Variants in SPEF2 observed in about 807,000 individuals in gnomAD.
The protein encoded by SPEF2 is sperm flagellar and cilia associated 2.
SPEF2 carries 187 observed loss-of-function variants against 224.6 expected under a neutral mutation model. The observed-to-expected ratio is 0.83, with a 90% CI of 0.74 to 0.94. SPEF2 has a LOEUF of 0.94. Among genes scored for constraint, SPEF2 ranks in the 40% least tolerant of loss-of-function variants. SPEF2 has a pLI of 0.00. For missense variants in SPEF2, 2,170 were observed against 2,135.6 expected (o/e 1.02, Z -0.32); for synonymous variants, 715 against 707.3 (o/e 1.01, Z -0.17).
In SPEF2 at chr5:35,771,837, A is replaced by G. The variant is rs1752897953; in HGVS notation, c.3949+81A>G. ...AAACGAGCATTTAACTGGACACATT[A>G]TTAGCCTCTAAGCCACTAAAATACT... On this transcript the variant is annotated intron_variant, in intron 27 of 36. Coordinates refer to ENST00000356031, the MANE Select transcript of SPEF2 (RefSeq NM_024867.4). The G allele has an allele frequency of 4.7e-6, 7 of 1,487,740 alleles. No homozygotes were observed. The South Asian group carries it at 8.5e-5, about 18-fold the overall frequency. 92.2% of individuals were successfully genotyped at this position (1,487,740 alleles called of 1,614,324 possible).
At chr5:35,753,833 C>T in intron 24 of SPEF2, 72 bp downstream of exon 24, 1 of 1,577,900 alleles carries the variant, frequency 6.3e-7, no homozygotes, top group East Asian at 2.2e-5. Flanking sequence ...TCATATGACA[C>T]TTTCTTGGGA....
chr5:35,757,682 A>G lies in SPEF2; in HGVS notation c.3469-1886A>G, dbSNP rs531154018. Reference sequence around the variant, plus strand: ...GTGCAAACACTTATTGTCAAACTGTAGGATTTGTTCATACATGAATATTTT... The same window carrying G: ...GTGCAAACACTTATTGTCAAACTGTGGGATTTGTTCATACATGAATATTTT... On this transcript the variant is annotated intron_variant, in intron 24 of 36. Transcript: ENST00000356031. 3.3e-5 allele frequency among the ~76,000 whole-genome samples: 5 copies of G among 152,298 alleles called. No individual in the cohort carries two copies. In the East Asian group the frequency reaches 7.7e-4, roughly 23 times the overall value.
At chr5:35,799,888 G>A (rs1007081881) in intron 33 of SPEF2, 80 bp from the exon 34 acceptor site, 29 of 1,496,724 alleles carry the variant, frequency 1.9e-5, no homozygotes, top group Non-Finnish European at 2.1e-5. Context: ...CAAAGCTCCT[G>A]GGGAGATTCT....
At chr5:35,714,749 A>G (rs6887970) in intron 20 of SPEF2, among the ~76,000 whole-genome samples, 112,958 of 150,292 alleles carry the variant, frequency 0.75, 42,816 homozygotes, top group Middle Eastern at 0.83. Flanking sequence ...CTACTGCCCA[A>G]GTATCTTACA....
chr5:35,630,854 C>T (rs575895049), intron 2 of SPEF2, among the ~76,000 whole-genome samples: 99 of 152,240 alleles, frequency 6.5e-4, no homozygotes, highest in Non-Finnish European at 1.1e-3. Context: ...AAACAAGTTC[C>T]TCATCTCTGT....
chr5:35,788,639 A>C, intron 30 of SPEF2: 1 of 703,002 alleles, frequency 1.4e-6, no homozygotes, highest in Non-Finnish European at 2.6e-6. Flanking sequence ...TAGACTGTCG[A>C]GCCAAGACTG....
At chr5:35,740,407 T>G in intron 23 of SPEF2, 140 bp downstream of exon 23, 1 of 1,132,016 alleles carries the variant, frequency 8.8e-7, no homozygotes, top group Non-Finnish European at 1.2e-6. Flanking sequence ...CCAGGTAACT[T>G]TCAAGAGCAG....
intron 23 of SPEF2, among the ~76,000 whole-genome samples, chr5:35,744,720 C>T (rs1237860067): frequency 6.6e-6 from 1 of 152,148 alleles, no homozygotes; most frequent in Non-Finnish European, 1.5e-5. Context: ...CCACAGCACA[C>T]TCCAGCCTGG....
chr5:35,705,653 T>C lies in SPEF2; in HGVS notation c.2510T>C (p.Ile837Thr), dbSNP rs1377766107. 6.3e-7 allele frequency: 1 copy of C among 1,577,906 alleles called. No homozygotes were observed. Among genetic ancestry groups the C allele is most frequent in the South Asian group, 1.2e-5 (1 of 82,338 alleles). The change falls in exon 18 of 37, where the codon ATT (isoleucine) becomes ACT (threonine). Residue 837 changes from isoleucine (I) to threonine (T), a missense_variant and splice_region_variant. Coordinates refer to ENST00000356031, the MANE Select transcript of SPEF2 (RefSeq NM_024867.4). ...QNLRDQIQHR[I>T]IGFLDNWPLL... ...CATATCATATTTTGATTTTGCAGAATTATAGGCTTCTTGGACAACTGGCCT... is the reference window on the plus strand; with the variant it reads ...CATATCATATTTTGATTTTGCAGAACTATAGGCTTCTTGGACAACTGGCCT...
At chr5:35,807,718 G>A (rs1483883805) in intron 36 of SPEF2, 4 of 1,536,112 alleles carry the variant, frequency 2.6e-6, no homozygotes, top group Admixed American at 2.0e-5. Context: ...CAGTGTGCAA[G>A]ATGGAGAAAC....
chr5:35,797,314 ACGGGTG>A (rs1339834776), intron 33 of SPEF2, among the ~76,000 whole-genome samples: 2 of 68,342 alleles, frequency 2.9e-5, no homozygotes, highest in Non-Finnish European at 6.0e-5. Flanking sequence ...AAGATGGCTG[ACGGGTG>A]TGTGTGTGTG....
chr5:35,789,158 G>A, intron 30 of SPEF2: 2 of 702,938 alleles, frequency 2.8e-6, no homozygotes, highest in Non-Finnish European at 5.2e-6. Context: ...TGTGTTACAG[G>A]CAGGCAGAGG....
chr5:35,679,073 C>T (rs1315713454), intron 10 of SPEF2, among the ~76,000 whole-genome samples: 1 of 152,176 alleles, frequency 6.6e-6, no homozygotes, highest in Non-Finnish European at 1.5e-5. Context: ...AAAGTGTTAC[C>T]TTACTACTTT....
chr5:35,807,809 G>C, intron 36 of SPEF2: 1 of 1,534,620 alleles, frequency 6.5e-7, no homozygotes, highest in South Asian at 1.2e-5. Context: ...TAACCACCAA[G>C]CAGGTCTGGA....
intron 10 of SPEF2, among the ~76,000 whole-genome samples, chr5:35,682,366 A>G (rs1200238389): frequency 1.3e-5 from 2 of 148,428 alleles, no homozygotes; most frequent in Non-Finnish European, 2.9e-5. Flanking sequence ...ATTGCATTTC[A>G]GGAAACCCAA....
chr5:35,648,072 ATTATCT>A (rs1334422259), intron 5 of SPEF2, among the ~76,000 whole-genome samples: 4 of 152,154 alleles, frequency 2.6e-5, no homozygotes, highest in African/African-American at 7.2e-5. Context: ...GGCACTTCAC[ATTATCT>A]TTAATTTGTA....
chr5:35,659,156 A>G lies in SPEF2; in HGVS notation c.1116A>G (p.Gln372=). 6.2e-7 allele frequency: 1 copy of G among 1,613,240 alleles called. No individual in the cohort carries two copies. Among genetic ancestry groups the G allele is most frequent in the Non-Finnish European group, 8.5e-7 (1 of 1,179,472 alleles). ...LWQNRIFREK[Q]HEERRLKDFQ... ...AAAACAGAATTTTCAGAGAAAAACA[A>G]CATGAGGAAAGACGACTTAAAGATT... The change falls in exon 8 of 37, where the codon CAA becomes CAG. Residue 372 remains glutamine (Q), a synonymous_variant. Coordinates refer to ENST00000356031, the MANE Select transcript of SPEF2 (RefSeq NM_024867.4).
intron 24 of SPEF2, among the ~76,000 whole-genome samples, chr5:35,757,887 A>T (rs1750681119): frequency 6.6e-6 from 1 of 152,224 alleles, no homozygotes. Flanking sequence ...TTTAACTTAG[A>T]TTCAAGTTCA....
At chr5:35,674,377 TA>T (rs1299841801) in intron 10 of SPEF2, among the ~76,000 whole-genome samples, 23 of 148,024 alleles carry the variant, frequency 1.6e-4, no homozygotes, top group Admixed American at 3.4e-4. Context: ...AAATTCTTTT[TA>T]TTATTATTAT....
Sources: gnomAD v4.1 joint callset for allele counts (sites outside exome capture counted in the v4.1 genomes callset) on GRCh38, gnomAD v4.1.1 for gene constraint, MANE v1.5 for transcripts, NCBI Gene and HGNC (gene_info 2026-07-23, HGNC 2026-07-21) for gene names.